Variants in DGKB observed in about 807,000 individuals in gnomAD.
DGKB encodes the protein diacylglycerol kinase beta, also known as 90 kDa diacylglycerol kinase.
Under a neutral mutation model 114.3 loss-of-function variants are expected in DGKB, and 67 were observed. The ratio of observed to expected loss-of-function variants is 0.59; its 90% CI spans 0.48 to 0.72. The LOEUF (loss-of-function observed/expected upper bound fraction) is 0.72. DGKB is among the 30% of genes least tolerant of loss of function. The probability of loss-of-function intolerance (pLI) is 0.00; values close to 1 mark genes in which losing one functional copy is unlikely to be tolerated. For synonymous variants in DGKB, 398 were observed against 323.1 expected (o/e 1.23, Z -2.49); for missense variants, 907 against 975.2 (o/e 0.93, Z 0.93).
chr7:14,766,827 A>G (rs1586336803), intron 2 of DGKB, among the ~76,000 whole-genome samples: 1 of 151,976 alleles, frequency 6.6e-6, no homozygotes, highest in Non-Finnish European at 1.5e-5. Flanking sequence ...GCCTAGTGAA[A>G]TAGCAAGAAT....
chr7:14,151,689 C>G (rs192091006), intron 25 of DGKB, among the ~76,000 whole-genome samples: 7 of 152,100 alleles, frequency 4.6e-5, no homozygotes, highest in Admixed American at 3.3e-4. Flanking sequence ...ACAACTGTTT[C>G]TTTACTCTAA....
intron 2 of DGKB, among the ~76,000 whole-genome samples, chr7:14,809,053 G>A (rs1843099415): frequency 6.6e-6 from 1 of 152,092 alleles, no homozygotes; most frequent in Non-Finnish European, 1.5e-5. Context: ...AACAAATCAT[G>A]AGAAAGTGAT....
chr7:14,779,139 G>C (rs969602085), intron 2 of DGKB, among the ~76,000 whole-genome samples: 1 of 152,208 alleles, frequency 6.6e-6, no homozygotes, highest in South Asian at 2.1e-4. Context: ...CTGGGAGACA[G>C]AGTGAGACTC....
At chr7:14,784,634 C>T (rs942482736) in intron 2 of DGKB, among the ~76,000 whole-genome samples, 4 of 152,194 alleles carry the variant, frequency 2.6e-5, no homozygotes, top group African/African-American at 7.2e-5. Context: ...ACCTCAGCCT[C>T]CCAAAGTGCT....
At chr7:14,737,892 CAAAA>C (rs72307217) in intron 4 of DGKB, among the ~76,000 whole-genome samples, 3 of 104,586 alleles carry the variant, frequency 2.9e-5, no homozygotes, top group Non-Finnish European at 2.2e-5. Flanking sequence ...GACTCCGTCT[CAAAA>C]AAAAAAAAAA....
At chr7:14,364,555 A>G (rs1816325332) in intron 21 of DGKB, among the ~76,000 whole-genome samples, 2 of 152,066 alleles carry the variant, frequency 1.3e-5, no homozygotes, top group Admixed American at 1.3e-4. Context: ...GCTAATACTT[A>G]GGTAAAATCA....
At chr7:14,672,342 C>T (rs1819097079) in intron 13 of DGKB, among the ~76,000 whole-genome samples, 1 of 152,064 alleles carries the variant, frequency 6.6e-6, no homozygotes, top group Admixed American at 6.6e-5. Flanking sequence ...ATCTGCTTCT[C>T]TTCCTACCAA....
At chr7:14,645,463 C>T (rs1812766793) in intron 13 of DGKB, among the ~76,000 whole-genome samples, 1 of 151,988 alleles carries the variant, frequency 6.6e-6, no homozygotes, top group African/African-American at 2.4e-5. Flanking sequence ...CTCCTGCTTG[C>T]TGAACAATGG....
Position 14,417,329 on chromosome 7 carries a change from T to TA in DGKB, c.1835+60831dup, listed in dbSNP as rs1468067025. 3.3e-5 allele frequency among the ~76,000 whole-genome samples: 5 copies of TA among 152,128 alleles called. 1 individual carries two copies. In the East Asian group the frequency reaches 9.7e-4, roughly 29 times the overall value. On this transcript the variant is annotated intron_variant, in intron 21 of 25. Transcript: ENST00000402815. ...TTAGAACAAAATAAAAACTGTGAAATAACTAGCAACTTTAATGTTCACATA... is the reference window on the plus strand; with the variant it reads ...TTAGAACAAAATAAAAACTGTGAAATAAACTAGCAACTTTAATGTTCACATA...
intron 1 of DGKB, among the ~76,000 whole-genome samples, chr7:14,847,500 C>T (rs1457568932): frequency 6.6e-6 from 1 of 152,096 alleles, no homozygotes; most frequent in Admixed American, 6.6e-5. Context: ...ATTGCTTGTT[C>T]ATTTAACCAT....
intron 21 of DGKB, among the ~76,000 whole-genome samples, chr7:14,409,339 T>C (rs1824460276): frequency 6.6e-6 from 1 of 152,108 alleles, no homozygotes. Context: ...TTGAATAATA[T>C]CATGAGACCC....
intron 21 of DGKB, among the ~76,000 whole-genome samples, chr7:14,441,848 T>C (rs1202918264): frequency 2.0e-5 from 3 of 152,074 alleles, no homozygotes; most frequent in African/African-American, 7.2e-5. Flanking sequence ...TCTCCTTTGA[T>C]AGATTTATTC....
At chr7:14,621,216 G>GT in intron 15 of DGKB, 162 bp downstream of exon 15, 2 of 549,286 alleles carry the variant, frequency 3.6e-6, no homozygotes, top group East Asian at 6.5e-5. Context: ...TCAATCAACC[G>GT]TAAGACTGAC....
intron 5 of DGKB, among the ~76,000 whole-genome samples, chr7:14,731,626 T>A (rs1020203422): frequency 6.6e-6 from 1 of 152,160 alleles, no homozygotes; most frequent in African/African-American, 2.4e-5. Flanking sequence ...GTTCAAGTTG[T>A]AGGGACTGAT....
chr7:14,238,726 T>G (rs1362618712), intron 23 of DGKB, among the ~76,000 whole-genome samples: 1 of 151,920 alleles, frequency 6.6e-6, no homozygotes, highest in Non-Finnish European at 1.5e-5. Context: ...CCTCTCTATG[T>G]GGGATGTCTG....
chr7:14,371,151 G>A (rs1048040135), intron 21 of DGKB, among the ~76,000 whole-genome samples: 1 of 152,084 alleles, frequency 6.6e-6, no homozygotes, highest in Non-Finnish European at 1.5e-5. Flanking sequence ...TGTCTTTTTG[G>A]TAGAATCATT....
intron 23 of DGKB, among the ~76,000 whole-genome samples, chr7:14,270,373 T>C (rs773187422): frequency 1.5e-4 from 23 of 152,190 alleles, no homozygotes; most frequent in Non-Finnish European, 1.9e-4. Flanking sequence ...CCTCTCTTTA[T>C]ACCTTGTTGT....
intron 1 of DGKB, among the ~76,000 whole-genome samples, chr7:14,922,816 A>T (rs1004391879): frequency 7.9e-5 from 12 of 152,082 alleles, no homozygotes; most frequent in African/African-American, 2.6e-4. Context: ...GAGTCAAGCT[A>T]AACACCATAC....
At chr7:14,365,403 A>T (rs1456521458) in intron 21 of DGKB, among the ~76,000 whole-genome samples, 1 of 152,050 alleles carries the variant, frequency 6.6e-6, no homozygotes, top group Admixed American at 6.6e-5. Context: ...TGTTGGAGTG[A>T]TATATGTAAA....
Sources: allele counts gnomAD v4.1 joint callset (sites outside exome capture counted in the v4.1 genomes callset), GRCh38; gene constraint gnomAD v4.1.1; transcripts MANE v1.5; gene names NCBI Gene and HGNC (gene_info 2026-07-23, HGNC 2026-07-21).